M1AP: variants seen among roughly 807,000 people sequenced by gnomAD.
M1AP encodes meiosis 1 associated protein.
M1AP carries 39 observed loss-of-function variants against 51.2 expected under a neutral mutation model. That is an observed-to-expected ratio of 0.76 (90% CI 0.59 to 1.00). The LOEUF (loss-of-function observed/expected upper bound fraction) is 1.00, where lower values mean the gene tolerates loss of function less well. Among genes scored for constraint, M1AP ranks in the 50% least tolerant of loss-of-function variants. The pLI, the probability that M1AP is intolerant of heterozygous loss-of-function variation, is 0.00. For missense variants in M1AP, 545 were observed against 641.2 expected, an observed-to-expected ratio of 0.85 and a Z score of 1.62; for synonymous variants, 251 against 249.2, an observed-to-expected ratio of 1.01 and a Z score of -0.07.
In M1AP at chr2:74,636,434, T is replaced by C. The variant is rs114050235; in HGVS notation, c.240+3602A>G. Among the ~76,000 whole-genome samples, 610 of 152,278 alleles carry C rather than the reference T, an allele frequency of 4.0e-3. 3 individuals carry two copies. Among genetic ancestry groups the C allele is most frequent in the African/African-American group, 0.014 (585 of 41,578 alleles). On this transcript the variant is annotated intron_variant, in intron 2 of 10. Transcript: ENST00000421985. ...CAAGCCCTTTCTTTTAATTGATGTTTTTAGGTCACTCACATTTAATATAAC... is the reference window on the plus strand; with the variant it reads ...CAAGCCCTTTCTTTTAATTGATGTTCTTAGGTCACTCACATTTAATATAAC...
intron 7 of M1AP, among the ~76,000 whole-genome samples, chr2:74,572,814 C>A (rs1255134335): frequency 6.6e-6 from 1 of 152,188 alleles, no homozygotes; most frequent in Non-Finnish European, 1.5e-5. Context: ...ATATGGGTAT[C>A]TACTAGTGAC....
At chr2:74,562,090 T>G in intron 8 of M1AP, 127 bp downstream of exon 8, 1 of 1,449,350 alleles carries the variant, frequency 6.9e-7, no homozygotes, top group Non-Finnish European at 9.1e-7. Flanking sequence ...TGCTTTCTCT[T>G]CTTACTCTCT....
At chr2:74,568,023 A>G (rs1678494653) in intron 7 of M1AP, among the ~76,000 whole-genome samples, 1 of 152,270 alleles carries the variant, frequency 6.6e-6, no homozygotes, top group Non-Finnish European at 1.5e-5. Flanking sequence ...GTAATTTGAA[A>G]AGTTACACAA....
rs71418737 is a variant in M1AP at position 74,595,678 on chromosome 2, T to G, written c.595+11377A>C. Among the ~76,000 whole-genome samples, 1,364 of 152,312 alleles carry G rather than the reference T, an allele frequency of 9.0e-3. 10 individuals are homozygous for G. The highest frequency in any genetic ancestry group is 0.015 in the Non-Finnish European group (1,007 of 68,006). ...TTTTCTTGTGGAGTTTATGTAGATGTAATACACATGACAATTATAACATGA... is the reference window on the plus strand; with the variant it reads ...TTTTCTTGTGGAGTTTATGTAGATGGAATACACATGACAATTATAACATGA... On this transcript the variant is annotated intron_variant, in intron 4 of 10. Transcript: ENST00000421985.
chr2:74,609,290 A>G (rs1031325206), intron 3 of M1AP, among the ~76,000 whole-genome samples: 7 of 152,264 alleles, frequency 4.6e-5, no homozygotes, highest in African/African-American at 1.7e-4. Flanking sequence ...GATTCCACAA[A>G]TGAGTGAGAT....
Position 74,599,069 on chromosome 2 carries a change from G to C in M1AP, c.595+7986C>G, listed in dbSNP as rs988106107. 3.3e-5 allele frequency among the ~76,000 whole-genome samples: 5 copies of C among 152,048 alleles called. 1 individual carries two copies. The highest frequency in any genetic ancestry group is 5.9e-5 in the Non-Finnish European group (4 of 68,008). On this transcript the variant is annotated intron_variant, in intron 4 of 10. Coordinates refer to ENST00000421985, the MANE Select transcript of M1AP (RefSeq NM_001321739.2). ...GAGGTGGGCGGATCACCTGAGGTCAGGAGTTCGAGATCAACCTGGCCAACA... is the reference window on the plus strand; with the variant it reads ...GAGGTGGGCGGATCACCTGAGGTCACGAGTTCGAGATCAACCTGGCCAACA...
chr2:74,648,046 C>T (rs1417401644), intron 1 of M1AP: 1 of 985,428 alleles, frequency 1.0e-6, no homozygotes, highest in African/African-American at 1.7e-5. Flanking sequence ...CCAGACTCCG[C>T]GCAGGCCTGG....
At chr2:74,619,029 G>A (rs565152216) in intron 2 of M1AP, 24 of 502,366 alleles carry the variant, frequency 4.8e-5, no homozygotes, top group South Asian at 2.4e-4. Context: ...GTACTTCATC[G>A]GCAGGAAAAA....
chr2:74,647,191 G>A, intron 1 of M1AP: 4 of 979,992 alleles, frequency 4.1e-6, no homozygotes, highest in Non-Finnish European at 4.8e-6. Context: ...TCTTTACCCT[G>A]GCCCTAAAGT....
chr2:74,612,323 A>G (rs1681414356), intron 3 of M1AP, among the ~76,000 whole-genome samples: 1 of 152,012 alleles, frequency 6.6e-6, no homozygotes, highest in Non-Finnish European at 1.5e-5. Flanking sequence ...GGCTCAAGCA[A>G]TCTTTCCACC....
In M1AP at chr2:74,615,038, C is replaced by G. The variant is rs764199668; in HGVS notation, c.352G>C (p.Asp118His). The change falls in exon 3 of 11, where the codon GAT (aspartate) becomes CAT (histidine). Residue 118 changes from aspartate to histidine, a missense_variant. Coordinates refer to ENST00000421985, the MANE Select transcript of M1AP (RefSeq NM_001321739.2). ...QGASLRLAVE[D>H]GLQQFKQYSR... ...TATTGTTTGAATTGCTGGAGCCCAT[C>G]CTCTACTGCCAGCCGCAGAGAAGCA... 1.9e-6 allele frequency: 3 copies of G among 1,614,186 alleles called. No homozygotes were observed. Among genetic ancestry groups the G allele is most frequent in the Non-Finnish European group, 8.5e-7 (1 of 1,180,020 alleles).
intron 4 of M1AP, among the ~76,000 whole-genome samples, chr2:74,595,394 C>T (rs1680271429): frequency 6.6e-6 from 1 of 152,148 alleles, no homozygotes; most frequent in African/African-American, 2.4e-5. Flanking sequence ...CTCTGTCACC[C>T]AGGCTGGAGT....
chr2:74,573,125 C>A (rs748171826), intron 7 of M1AP, among the ~76,000 whole-genome samples: 12 of 152,074 alleles, frequency 7.9e-5, no homozygotes, highest in Non-Finnish European at 1.5e-4. Context: ...CGGCTCACTG[C>A]AACCTCCGCC....
intron 4 of M1AP, among the ~76,000 whole-genome samples, chr2:74,588,737 G>C (rs975362558): frequency 6.6e-6 from 1 of 152,166 alleles, no homozygotes; most frequent in Admixed American, 6.5e-5. Flanking sequence ...CTATCTTCCT[G>C]GAGCCCCAGT....
chr2:74,609,899 C>T (rs1037328121), intron 3 of M1AP, among the ~76,000 whole-genome samples: 1 of 151,984 alleles, frequency 6.6e-6, no homozygotes, highest in Non-Finnish European at 1.5e-5. Flanking sequence ...TCATTTTTTC[C>T]CTGTTGAGTT....
At chr2:74,645,424 A>G (rs1171987505) in intron 1 of M1AP, among the ~76,000 whole-genome samples, 1 of 152,206 alleles carries the variant, frequency 6.6e-6, no homozygotes, top group African/African-American at 2.4e-5. Flanking sequence ...TAGTTTTGAT[A>G]GTGAGGTAGG....
chr2:74,604,545 T>C (rs1474509025), intron 4 of M1AP, among the ~76,000 whole-genome samples: 2 of 152,194 alleles, frequency 1.3e-5, no homozygotes, highest in Non-Finnish European at 2.9e-5. Flanking sequence ...ACAGCTGATC[T>C]GACAGGAGGT....
intron 2 of M1AP, among the ~76,000 whole-genome samples, chr2:74,634,572 G>A (rs1682873906): frequency 6.6e-6 from 1 of 152,076 alleles, no homozygotes; most frequent in Admixed American, 6.6e-5. Flanking sequence ...ACCTTATTGT[G>A]CTGCCTAGGA....
intron 4 of M1AP, among the ~76,000 whole-genome samples, chr2:74,588,259 G>C (rs527805106): frequency 6.6e-6 from 1 of 152,276 alleles, no homozygotes; most frequent in East Asian, 1.9e-4. Flanking sequence ...GATGTATTTT[G>C]GTGGGGTGGG....
Sources: gnomAD v4.1 joint callset for allele counts (sites outside exome capture counted in the v4.1 genomes callset) on GRCh38, gnomAD v4.1.1 for gene constraint, MANE v1.5 for transcripts, NCBI Gene and HGNC (gene_info 2026-07-23, HGNC 2026-07-21) for gene names.